Variants in MAGI2 observed in about 807,000 individuals in gnomAD.
MAGI2 encodes the protein membrane-associated guanylate kinase, WW and PDZ domain-containing protein 2.
MAGI2 carries 35 observed loss-of-function variants against 133.3 expected under a neutral mutation model. The ratio of observed to expected loss-of-function variants is 0.26; its 90% CI spans 0.20 to 0.35. MAGI2 has a LOEUF of 0.35. Ranked by LOEUF, MAGI2 falls within the 10% of genes least tolerant of loss-of-function variation. MAGI2 has a pLI of 1.00. For missense variants in MAGI2, 1,636 were observed against 1,863.4 expected (o/e 0.88, Z 2.25); for synonymous variants, 729 against 710.6 (o/e 1.03, Z -0.41).
rs76989970 is a variant in MAGI2, at chr7:78,782,590, A to C, written c.419-155351T>G. On this transcript the variant is annotated intron_variant, in intron 2 of 21. Transcript: ENST00000354212. ...TAACAGCCAGGAAGGGCCTAGGTGC[A>C]AAGAAAGAAGAGAGGGAACATCAAT... is the stretch of plus-strand genomic sequence containing the variant. Among the ~76,000 whole-genome samples, 1,113 of 152,234 alleles carry C rather than the reference A, an allele frequency of 7.3e-3. 5 individuals carry two copies. Among genetic ancestry groups the C allele is most frequent in the African/African-American group, 0.025 (1,054 of 41,520 alleles).
intron 2 of MAGI2, among the ~76,000 whole-genome samples, chr7:78,975,573 AG>A (rs1804173489): frequency 6.6e-6 from 1 of 151,730 alleles, no homozygotes; most frequent in South Asian, 2.1e-4. Context: ...ATTTGAAAAG[AG>A]AAAAGATCTA....
chr7:79,115,123 G>A (rs1425490976), intron 1 of MAGI2, among the ~76,000 whole-genome samples: 1 of 152,134 alleles, frequency 6.6e-6, no homozygotes, highest in African/African-American at 2.4e-5. Context: ...AGGAAGGATA[G>A]GTTTGCATCT....
chr7:78,682,876 G>A (rs1815843701), intron 2 of MAGI2, among the ~76,000 whole-genome samples: 2 of 152,118 alleles, frequency 1.3e-5, no homozygotes, highest in South Asian at 2.1e-4. Flanking sequence ...AAAGGGAGAC[G>A]ATAAAAACAA....
chr7:78,423,446 T>G (rs1798982807), intron 6 of MAGI2, among the ~76,000 whole-genome samples: 1 of 152,308 alleles, frequency 6.6e-6, no homozygotes, highest in South Asian at 2.1e-4. Flanking sequence ...ATCAGCAGCA[T>G]GAAAACAGAC....
intron 2 of MAGI2, among the ~76,000 whole-genome samples, chr7:78,769,589 A>G (rs949678703): frequency 3.9e-5 from 6 of 152,152 alleles, no homozygotes; most frequent in African/African-American, 1.4e-4. Context: ...GATCAGAGCA[A>G]ATCACAATGC....
chr7:78,707,762 T>C (rs904711463), intron 2 of MAGI2, among the ~76,000 whole-genome samples: 1 of 152,132 alleles, frequency 6.6e-6, no homozygotes, highest in African/African-American at 2.4e-5. Flanking sequence ...TGAGATAATC[T>C]TGTTTTACAT....
intron 1 of MAGI2, among the ~76,000 whole-genome samples, chr7:79,139,123 A>G (rs951218956): frequency 2.6e-5 from 4 of 152,138 alleles, no homozygotes; most frequent in African/African-American, 9.7e-5. Context: ...TGACAGCTTG[A>G]TCTTGAACTT....
At chr7:78,433,990 C>T (rs1800040850) in intron 6 of MAGI2, among the ~76,000 whole-genome samples, 1 of 152,156 alleles carries the variant, frequency 6.6e-6, no homozygotes, top group Non-Finnish European at 1.5e-5. Flanking sequence ...CAAGTGATTA[C>T]TATGCCATAG....
At chr7:78,177,281 T>C (rs1012201108) in intron 14 of MAGI2, among the ~76,000 whole-genome samples, 23 of 152,160 alleles carry the variant, frequency 1.5e-4, no homozygotes, top group Admixed American at 7.2e-4. Flanking sequence ...CTTAGTCACA[T>C]TGGGTACCAT....
intron 12 of MAGI2, among the ~76,000 whole-genome samples, chr7:78,191,531 G>T (rs907460263): frequency 4.6e-5 from 7 of 152,196 alleles, no homozygotes; most frequent in African/African-American, 1.4e-4. Context: ...CTCTTGTGGA[G>T]TGCCTTGCAG....
intron 20 of MAGI2, among the ~76,000 whole-genome samples, chr7:78,084,751 G>T (rs1031120213): frequency 6.6e-6 from 1 of 152,236 alleles, no homozygotes; most frequent in Non-Finnish European, 1.5e-5. Context: ...CTTTGCTGCT[G>T]CAGTCATTGT....
chr7:79,032,865 C>T (rs1391109667), intron 1 of MAGI2, among the ~76,000 whole-genome samples: 2 of 151,710 alleles, frequency 1.3e-5, no homozygotes, highest in African/African-American at 2.4e-5. Flanking sequence ...TGTAACATTT[C>T]CAGAGGTCTT....
At chr7:78,684,523 A>G (rs977938597) in intron 2 of MAGI2, among the ~76,000 whole-genome samples, 1 of 152,138 alleles carries the variant, frequency 6.6e-6, no homozygotes, top group African/African-American at 2.4e-5. Context: ...TCAGAGTTTC[A>G]CTTTAATTGT....
intron 21 of MAGI2, chr7:78,072,976 A>G (rs1814870890): frequency 5.0e-6 from 2 of 398,556 alleles, no homozygotes; most frequent in South Asian, 1.3e-4. Context: ...ATGTTCTTAA[A>G]GAAGAATAAA....
Position 79,054,401 on chromosome 7 carries a change from G to T in MAGI2, c.302-47195C>A, listed in dbSNP as rs1812952429. Among the ~76,000 whole-genome samples, 5 of 152,072 alleles carry T rather than the reference G, an allele frequency of 3.3e-5. No individual in the cohort carries two copies. The South Asian group carries it at 1.0e-3, about 32-fold the overall frequency. ...TTTTATTTAGAAAATCCAGGTCCCA[G>T]AAAAACAACCCTATTCTCTCTTCCT... On this transcript the variant is annotated intron_variant, in intron 1 of 21. Coordinates refer to ENST00000354212, the MANE Select transcript of MAGI2 (RefSeq NM_012301.4).
At chr7:79,299,407 T>C (rs1837205575) in intron 1 of MAGI2, among the ~76,000 whole-genome samples, 1 of 150,492 alleles carries the variant, frequency 6.6e-6, no homozygotes, top group South Asian at 2.1e-4. Flanking sequence ...AAGTTGGGAG[T>C]AGATTTTGAA....
chr7:79,344,117 C>A lies in MAGI2; in HGVS notation c.301+108903G>T, dbSNP rs150087206. ...ATCCCCTGACCCCCAACTATATGTG[C>A]GATAATGTCAAACTCTGTGAACTAG... On this transcript the variant is annotated intron_variant, in intron 1 of 21. Transcript: ENST00000354212. 4.6e-4 allele frequency among the ~76,000 whole-genome samples: 70 copies of A among 151,882 alleles called. No individual in the cohort carries two copies. The East Asian group carries it at 0.013, about 28-fold the overall frequency.
intron 3 of MAGI2, among the ~76,000 whole-genome samples, chr7:78,573,365 A>AAAATATAT (rs1320390413): frequency 5.2e-4 from 15 of 29,034 alleles, no homozygotes; most frequent in South Asian, 1.7e-3. Flanking sequence ...GAATCCTGGA[A>AAAATATAT]ATATATATAT....
chr7:78,104,355 T>C (rs1818470498), intron 20 of MAGI2, among the ~76,000 whole-genome samples: 1 of 151,930 alleles, frequency 6.6e-6, no homozygotes, highest in Admixed American at 6.6e-5. Flanking sequence ...CCCGAGTAGC[T>C]GGGACTACAG....
Sources: allele counts gnomAD v4.1 joint callset (sites outside exome capture counted in the v4.1 genomes callset), GRCh38; gene constraint gnomAD v4.1.1; transcripts MANE v1.5; gene names NCBI Gene and HGNC (gene_info 2026-07-23, HGNC 2026-07-21).